The following SLC25A12 variants were observed in gnomAD, a reference collection of about 807,000 sequenced individuals.
SLC25A12 encodes the protein solute carrier family 25 member 12.
Under a neutral mutation model 83.3 loss-of-function variants are expected in SLC25A12, and 32 were observed. The observed-to-expected ratio is 0.38, with a 90% confidence interval of 0.29 to 0.52. The LOEUF (loss-of-function observed/expected upper bound fraction) is 0.52. Ranked by LOEUF, SLC25A12 falls within the 20% of genes least tolerant of loss-of-function variation. SLC25A12 has a pLI of 0.84. For missense variants in SLC25A12, 611 were observed against 835.6 expected, an observed-to-expected ratio of 0.73 and a Z score of 3.31; for synonymous variants, 267 against 291.1, an observed-to-expected ratio of 0.92 and a Z score of 0.84.
chr2:171,860,407 T>C (rs1333592178), intron 3 of SLC25A12, among the ~76,000 whole-genome samples: 1 of 151,984 alleles, frequency 6.6e-6, no homozygotes, highest in Non-Finnish European at 1.5e-5. Flanking sequence ...GAGACCAGCC[T>C]GGCCAACATG....
intron 9 of SLC25A12, among the ~76,000 whole-genome samples, chr2:171,816,684 T>C (rs1371676286): frequency 3.3e-5 from 5 of 152,196 alleles, no homozygotes; most frequent in Non-Finnish European, 7.3e-5. Context: ...ATATTGAATA[T>C]GCTTCAGTAT....
chr2:171,837,525 C>G (rs1318426454), intron 5 of SLC25A12, among the ~76,000 whole-genome samples: 3 of 152,118 alleles, frequency 2.0e-5, no homozygotes, highest in African/African-American at 7.2e-5. Context: ...AAAAAATAAC[C>G]CTTAGATTTT....
At chr2:171,828,587 T>C (rs1684362532) in intron 8 of SLC25A12, among the ~76,000 whole-genome samples, 4 of 152,192 alleles carry the variant, frequency 2.6e-5, no homozygotes, top group Non-Finnish European at 5.9e-5. Context: ...GTCATGGTGG[T>C]GGATTTTTAA....
chr2:171,850,532 G>A (rs1684906124), intron 4 of SLC25A12, among the ~76,000 whole-genome samples: 2 of 152,048 alleles, frequency 1.3e-5, no homozygotes, highest in Admixed American at 6.6e-5. Flanking sequence ...ATTTTTAGTA[G>A]AGATGGGGTT....
chr2:171,871,731 G>T, intron 2 of SLC25A12: 2 of 985,078 alleles, frequency 2.0e-6, no homozygotes, highest in South Asian at 9.4e-5. Context: ...ATCAGATTAT[G>T]TCTCTCCTTT....
intron 10 of SLC25A12, among the ~76,000 whole-genome samples, chr2:171,814,919 T>C (rs1252758767): frequency 2.0e-5 from 3 of 152,196 alleles, no homozygotes; most frequent in African/African-American, 7.2e-5. Flanking sequence ...GGTTCTGTCC[T>C]GAAGACAGAC....
At chr2:171,787,246 G>A (rs1446120204) in intron 17 of SLC25A12, among the ~76,000 whole-genome samples, 1 of 152,086 alleles carries the variant, frequency 6.6e-6, no homozygotes, top group Admixed American at 6.5e-5. Flanking sequence ...GATCGCTTGA[G>A]CCCGGGAGGT....
chr2:171,787,546 T>C, intron 17 of SLC25A12, 25 bp downstream of exon 17: 1 of 1,551,670 alleles, frequency 6.4e-7, no homozygotes, highest in Non-Finnish European at 8.9e-7. Context: ...GATTTCTTTG[T>C]AAAGGAGTTG....
At chr2:171,785,817 G>A (rs1378185860) in intron 17 of SLC25A12, among the ~76,000 whole-genome samples, 1 of 151,908 alleles carries the variant, frequency 6.6e-6, no homozygotes, top group African/African-American at 2.4e-5. Flanking sequence ...TTTTCTTCTT[G>A]TAAAGATGGG....
chr2:171,868,049 T>C lies in SLC25A12; in HGVS notation c.209+632A>G, dbSNP rs181659868. ...TTTTAGTAGAGATGGGGTTTCACCA[T>C]GTTAGCCGGGATGGTCTCAATCTCC... On this transcript the variant is annotated intron_variant, in intron 3 of 17. Coordinates refer to ENST00000422440, the MANE Select transcript of SLC25A12 (RefSeq NM_003705.5). 5.8e-3 allele frequency among the ~76,000 whole-genome samples: 888 copies of C among 152,218 alleles called. 6 individuals are homozygous for C. Among genetic ancestry groups the C allele is most frequent in the African/African-American group, 0.018 (748 of 41,548 alleles).
At chr2:171,787,068 G>T (rs1451641443) in intron 17 of SLC25A12, among the ~76,000 whole-genome samples, 1 of 152,180 alleles carries the variant, frequency 6.6e-6, no homozygotes, top group East Asian at 1.9e-4. Context: ...GGCTAGGCAC[G>T]GTAGCTCATG....
chr2:171,788,086 A>G (rs1690523387), intron 15 of SLC25A12, 139 bp from the exon 16 acceptor site: 1 of 798,436 alleles, frequency 1.3e-6, no homozygotes, highest in Non-Finnish European at 2.1e-6. Context: ...CTGGCCATTA[A>G]TGGGAAAAGG....
intron 2 of SLC25A12, among the ~76,000 whole-genome samples, chr2:171,876,486 G>A (rs1323784544): frequency 1.4e-5 from 2 of 139,426 alleles, no homozygotes; most frequent in Non-Finnish European, 3.0e-5. Flanking sequence ...ACAAAGAAAA[G>A]CTGGTACCTC....
intron 10 of SLC25A12, 88 bp downstream of exon 10, chr2:171,815,033 G>A: frequency 1.9e-6 from 2 of 1,064,260 alleles, no homozygotes; most frequent in Admixed American, 1.7e-5. Flanking sequence ...TGGGAACAAT[G>A]AACTGCACCT....
chr2:171,848,345 C>A (rs780403585), intron 4 of SLC25A12: 155 of 463,254 alleles, frequency 3.3e-4, no homozygotes, highest in Non-Finnish European at 5.5e-4. Flanking sequence ...CATCCTTATT[C>A]CAAGGATTCC....
At chr2:171,827,041 A>G (rs747871858) in intron 8 of SLC25A12, among the ~76,000 whole-genome samples, 159 bp from the exon 9 acceptor site, 3 of 152,162 alleles carry the variant, frequency 2.0e-5, no homozygotes, top group Non-Finnish European at 4.4e-5. Context: ...AAACCTTTTA[A>G]CTCTGTTTTC....
intron 2 of SLC25A12, 35 bp downstream of exon 2, chr2:171,893,170 T>C (rs1685981478): frequency 6.3e-7 from 1 of 1,592,118 alleles, no homozygotes; most frequent in Non-Finnish European, 8.6e-7. Flanking sequence ...TTTTTTGTTT[T>C]TGCAATGAAA....
chr2:171,820,652 C>CCA (rs1166357207), intron 9 of SLC25A12, among the ~76,000 whole-genome samples: 5 of 140,762 alleles, frequency 3.6e-5, no homozygotes, highest in African/African-American at 1.3e-4. Flanking sequence ...GGCGTGAACC[C>CCA]GGGAGGCGGA....
intron 3 of SLC25A12, among the ~76,000 whole-genome samples, chr2:171,866,490 G>A (rs1278415689): frequency 1.5e-4 from 23 of 148,842 alleles, no homozygotes; most frequent in African/African-American, 5.4e-4. Flanking sequence ...CCCGGACGGG[G>A]TGGCTGGCCG....
Sources: gnomAD v4.1 joint callset for allele counts (sites outside exome capture counted in the v4.1 genomes callset) on GRCh38, gnomAD v4.1.1 for gene constraint, MANE v1.5 for transcripts, NCBI Gene and HGNC (gene_info 2026-07-23, HGNC 2026-07-21) for gene names.